The following ARHGAP39 variants were observed in gnomAD, a reference collection of about 807,000 sequenced individuals.
The protein encoded by ARHGAP39 is rho GTPase-activating protein 39.
Under a neutral mutation model 106.9 loss-of-function variants are expected in ARHGAP39, and 44 were observed. The ratio of observed to expected loss-of-function variants is 0.41; its 90% confidence interval spans 0.32 to 0.53. ARHGAP39 has a LOEUF of 0.53. Among genes scored for constraint, ARHGAP39 ranks in the 20% least tolerant of loss-of-function variants. The pLI is 0.21. For missense variants in ARHGAP39, 1,496 were observed against 1,577.3 expected, an observed-to-expected ratio of 0.95 and a Z score of 0.87; for synonymous variants, 768 against 693.2, an observed-to-expected ratio of 1.11 and a Z score of -1.69.
At chr8:144,607,099 T>G (rs943183308) in intron 1 of ARHGAP39, among the ~76,000 whole-genome samples, 2 of 151,442 alleles carry the variant, frequency 1.3e-5, no homozygotes, top group African/African-American at 4.9e-5. Context: ...TCAGACATAT[T>G]AAAAACTCCT....
intron 3 of ARHGAP39, among the ~76,000 whole-genome samples, chr8:144,573,862 C>T (rs1818670916): frequency 6.6e-6 from 1 of 152,136 alleles, no homozygotes; most frequent in Admixed American, 6.5e-5. Context: ...TTATAAATTA[C>T]AAATGAGTCA....
chr8:144,654,137 TATAACTG>T (rs1442156121), intron 1 of ARHGAP39, among the ~76,000 whole-genome samples: 1 of 152,094 alleles, frequency 6.6e-6, no homozygotes, highest in Non-Finnish European at 1.5e-5. Context: ...CCAACATATA[TATAACTG>T]GAACCCTTTA....
intron 1 of ARHGAP39, among the ~76,000 whole-genome samples, chr8:144,627,128 G>A (rs559957650): frequency 2.0e-5 from 3 of 152,336 alleles, no homozygotes; most frequent in African/African-American, 7.2e-5. Flanking sequence ...CAAGGCTGCA[G>A]CTGCCTCTGC....
At chr8:144,658,607 T>A (rs1218876722) in intron 1 of ARHGAP39, among the ~76,000 whole-genome samples, 1 of 152,094 alleles carries the variant, frequency 6.6e-6, no homozygotes, top group Non-Finnish European at 1.5e-5. Context: ...GACCTGATCA[T>A]CCTTGAATTT....
rs1234255073 is a variant in ARHGAP39 at position 144,605,650 on chromosome 8, A to G, written c.-36T>C. 7.5e-6 allele frequency: 12 copies of G among 1,603,840 alleles called. No homozygotes were observed. The highest frequency in any genetic ancestry group is 1.0e-5 in the Non-Finnish European group (12 of 1,174,044). On this transcript the variant is annotated 5_prime_UTR_variant, in exon 2 of 12. An upstream open reading frame in the 5' UTR loses its in-frame stop. Transcript: ENST00000377307. ...TTCCGCGCCCACGTGGACAGACGTC[A>G]GGGCACCATACGCACAACGCCAGCA...
intron 5 of ARHGAP39, among the ~76,000 whole-genome samples, chr8:144,546,011 C>T (rs574682975): frequency 3.9e-5 from 6 of 152,314 alleles, no homozygotes; most frequent in South Asian, 2.1e-4. Context: ...GCTGGGACGC[C>T]GGAGCCCTGT....
At chr8:144,665,435 C>T (rs150431030) in intron 1 of ARHGAP39, among the ~76,000 whole-genome samples, 44 of 152,312 alleles carry the variant, frequency 2.9e-4, no homozygotes, top group African/African-American at 1.0e-3. Flanking sequence ...CCCAAGACCA[C>T]GGGGAAAATG....
At chr8:144,603,141 G>C (rs1820133153) in intron 2 of ARHGAP39, among the ~76,000 whole-genome samples, 1 of 144,756 alleles carries the variant, frequency 6.9e-6, no homozygotes, top group Non-Finnish European at 1.5e-5. Context: ...TGGTGTACCT[G>C]TGTGCATGTG....
At chr8:144,600,379 T>C (rs770661797) in intron 2 of ARHGAP39, among the ~76,000 whole-genome samples, 19 of 150,494 alleles carry the variant, frequency 1.3e-4, no homozygotes, top group Admixed American at 3.3e-4. Context: ...CTTGGGTACC[T>C]ACCTGCGTGT....
intron 6 of ARHGAP39, among the ~76,000 whole-genome samples, chr8:144,543,270 G>A (rs911086427): frequency 1.3e-5 from 2 of 152,146 alleles, no homozygotes; most frequent in African/African-American, 4.8e-5. Flanking sequence ...ACTGTGCCTG[G>A]CTGGGCCTGT....
intron 3 of ARHGAP39, among the ~76,000 whole-genome samples, chr8:144,574,043 C>T (rs1270945224): frequency 6.6e-6 from 1 of 151,448 alleles, no homozygotes; most frequent in African/African-American, 2.4e-5. Flanking sequence ...CATGGTGGCG[C>T]CCCCCTGTAA....
chr8:144,555,794 C>T, intron 3 of ARHGAP39, 151 bp from the exon 4 acceptor site: 1 of 694,084 alleles, frequency 1.4e-6, no homozygotes, highest in Non-Finnish European at 2.5e-6. Flanking sequence ...CATCTTCTGC[C>T]CTGAGTCCAC....
At chr8:144,613,220 T>A (rs1316739729) in intron 1 of ARHGAP39, among the ~76,000 whole-genome samples, 1 of 152,266 alleles carries the variant, frequency 6.6e-6, no homozygotes, top group African/African-American at 2.4e-5. Flanking sequence ...TTCCTCTCTG[T>A]TACACAGTTA....
At chr8:144,612,076 TG>T (rs1422426885) in intron 1 of ARHGAP39, among the ~76,000 whole-genome samples, 1 of 151,380 alleles carries the variant, frequency 6.6e-6, no homozygotes, top group Non-Finnish European at 1.5e-5. Flanking sequence ...AAAGTTGCAG[TG>T]AGCCACGGCT....
At chr8:144,534,494 T>C (rs923161527) in intron 7 of ARHGAP39, among the ~76,000 whole-genome samples, 2 of 152,158 alleles carry the variant, frequency 1.3e-5, no homozygotes, top group Non-Finnish European at 2.9e-5. Context: ...GACCTGGGTC[T>C]GAGGGCCTCT....
At chr8:144,612,777 C>A (rs1161930871) in intron 1 of ARHGAP39, among the ~76,000 whole-genome samples, 1 of 151,904 alleles carries the variant, frequency 6.6e-6, no homozygotes, top group East Asian at 1.9e-4. Context: ...TGCACTCCAG[C>A]CAGGGGGATA....
chr8:144,676,502 A>G (rs1822244549), intron 1 of ARHGAP39, among the ~76,000 whole-genome samples: 1 of 152,082 alleles, frequency 6.6e-6, no homozygotes, highest in East Asian at 1.9e-4. Flanking sequence ...AGCTAGACAC[A>G]CAGTGCTGAT....
At chr8:144,578,209 C>G (rs949859454) in intron 3 of ARHGAP39, among the ~76,000 whole-genome samples, 3 of 152,130 alleles carry the variant, frequency 2.0e-5, no homozygotes, top group Non-Finnish European at 2.9e-5. Flanking sequence ...GAAATGAACC[C>G]AAATCTATGA....
intron 2 of ARHGAP39, among the ~76,000 whole-genome samples, chr8:144,601,214 G>T (rs1371841860): frequency 1.4e-5 from 2 of 144,954 alleles, no homozygotes; most frequent in South Asian, 2.3e-4. Context: ...GTGCGTGGAG[G>T]TGCGTGTGCA....
Sources: gnomAD v4.1 joint callset for allele counts (sites outside exome capture counted in the v4.1 genomes callset) on GRCh38, gnomAD v4.1.1 for gene constraint, MANE v1.5 for transcripts, NCBI Gene and HGNC (gene_info 2026-07-23, HGNC 2026-07-21) for gene names.